Variants in NMNAT1 observed in about 807,000 individuals in gnomAD.
NMNAT1 encodes the protein nicotinamide nucleotide adenylyltransferase 1, also known as nicotinamide/nicotinic acid mononucleotide adenylyltransferase 1.
A neutral mutation model predicts 16.7 loss-of-function variants in NMNAT1; 11 were observed. The ratio of observed to expected loss-of-function variants is 0.66; its 90% CI spans 0.41 to 1.09. NMNAT1 has a LOEUF of 1.09. NMNAT1 is among the 50% of genes least tolerant of loss of function. NMNAT1 has a pLI of 0.00. For synonymous variants in NMNAT1, 110 were observed against 119.8 expected, an observed-to-expected ratio of 0.92 and a Z score of 0.53; for missense variants, 280 against 332.3, an observed-to-expected ratio of 0.84 and a Z score of 1.22.
chr1:9,960,005 G>A (rs952756042), intron 1 of NMNAT1, among the ~76,000 whole-genome samples: 2 of 152,184 alleles, frequency 1.3e-5, no homozygotes, highest in African/African-American at 4.8e-5. Flanking sequence ...CTGAGAGGTG[G>A]TGAGGTCAGC....
intron 1 of NMNAT1, among the ~76,000 whole-genome samples, chr1:9,950,148 T>C (rs1275461180): frequency 3.3e-5 from 5 of 152,168 alleles, no homozygotes; most frequent in Non-Finnish European, 5.9e-5. Flanking sequence ...TGGAGGGCAG[T>C]GACGCAATCT....
chr1:9,972,196 C>T lies in NMNAT1; in HGVS notation c.115+8C>T, dbSNP rs777466989. On this transcript the variant is annotated splice_region_variant and intron_variant, in intron 2 of 4. Transcript: ENST00000377205. ...ACTACATGAATGGAACAGGTAGGAGCAGTAACCAAAAGTGGCTTAAGACTA... is the reference window on the plus strand; with the variant it reads ...ACTACATGAATGGAACAGGTAGGAGTAGTAACCAAAAGTGGCTTAAGACTA... The T allele has an allele frequency of 6.6e-7, 1 of 1,524,830 alleles. No individual in the cohort carries two copies. The highest frequency in any genetic ancestry group is 1.7e-5 in the Admixed American group (1 of 59,060). The allele number at this position is 1,524,830 out of a possible 1,614,324, so 94.5% of individuals were successfully genotyped here.
intron 1 of NMNAT1, among the ~76,000 whole-genome samples, chr1:9,963,055 C>A (rs1227483119): frequency 1.3e-5 from 2 of 152,128 alleles, no homozygotes; most frequent in Non-Finnish European, 2.9e-5. Context: ...CAGAAACCTT[C>A]AAAGGTTCCC....
intron 3 of NMNAT1, among the ~76,000 whole-genome samples, chr1:9,980,273 C>T (rs1167410425): frequency 6.6e-6 from 1 of 151,794 alleles, no homozygotes; most frequent in African/African-American, 2.4e-5. Context: ...CAACAGTCAT[C>T]TTATGTTGAG....
intron 1 of NMNAT1, among the ~76,000 whole-genome samples, chr1:9,944,542 CAAG>C (rs1640921014): frequency 6.6e-6 from 1 of 151,910 alleles, no homozygotes; most frequent in South Asian, 2.1e-4. Flanking sequence ...TGTTAAAAAA[CAAG>C]AGCTGTGTTG....
the NMNAT1 span, among the ~76,000 whole-genome samples, chr1:9,990,653 C>T: frequency 6.6e-6 from 1 of 152,120 alleles, no homozygotes; most frequent in Non-Finnish European, 1.5e-5. Context: ...TGGAGTCCAC[C>T]ACAAGGTCCA....
In NMNAT1 at chr1:9,965,472, C is replaced by T. The variant is rs796664994; in HGVS notation, c.-56-6546C>T. The stretch of plus-strand genomic sequence containing the variant: ...AGGCTGGAGTGCAGTGGTGCAGTCT[C>T]GGCTCACTGCAACCCCTGCCTGCCA... On this transcript the variant is annotated intron_variant, in intron 1 of 4. Coordinates refer to ENST00000377205, the MANE Select transcript of NMNAT1 (RefSeq NM_022787.4). 2.0e-5 allele frequency among the ~76,000 whole-genome samples: 3 copies of T among 151,664 alleles called. No individual in the cohort carries two copies. In the South Asian group the frequency reaches 6.3e-4, roughly 32 times the overall value.
chr1:9,952,787 C>A (rs1326885739), intron 1 of NMNAT1, among the ~76,000 whole-genome samples: 1 of 152,058 alleles, frequency 6.6e-6, no homozygotes, highest in East Asian at 1.9e-4. Flanking sequence ...GATCTGCCCA[C>A]CTTGGCCTCC....
downstream of NMNAT1, chr1:9,985,545 C>T (rs1400037614): frequency 1.3e-5 from 2 of 152,168 alleles, no homozygotes; most frequent in Non-Finnish European, 2.9e-5. Context: ...TCAGTCCTCA[C>T]GGAAGGACTA....
At chr1:9,968,596 G>GAC (rs1641614118) in intron 1 of NMNAT1, among the ~76,000 whole-genome samples, 1 of 146,254 alleles carries the variant, frequency 6.8e-6, no homozygotes, top group East Asian at 2.0e-4. Flanking sequence ...GTGAAACCCC[G>GAC]TCTGTACTAA....
At chr1:9,944,119 T>G (rs537969444) in intron 1 of NMNAT1, among the ~76,000 whole-genome samples, 108 of 151,834 alleles carry the variant, frequency 7.1e-4, no homozygotes, top group African/African-American at 2.5e-3. Flanking sequence ...CTGGGCGTGG[T>G]GGTGGGCGCC....
chr1:9,975,328 C>T (rs1641781601), intron 2 of NMNAT1, among the ~76,000 whole-genome samples: 1 of 151,940 alleles, frequency 6.6e-6, no homozygotes, highest in Non-Finnish European at 1.5e-5. Flanking sequence ...TGGTAAAAAC[C>T]CCATCTCTAC....
At chr1:9,947,210 CAG>C (rs1640999368) in intron 1 of NMNAT1, 1 of 152,166 alleles carries the variant, frequency 6.6e-6, no homozygotes, top group African/African-American at 2.4e-5. Context: ...TTTTTGGAGA[CAG>C]GGTCTTGCTG....
chr1:9,962,835 A>G (rs936440302), intron 1 of NMNAT1, among the ~76,000 whole-genome samples: 1 of 151,716 alleles, frequency 6.6e-6, no homozygotes, highest in Non-Finnish European at 1.5e-5. Context: ...GTGCCTGCCA[A>G]CACACCCGGC....
intron 2 of NMNAT1, among the ~76,000 whole-genome samples, chr1:9,973,707 CAAA>C (rs1053350657): frequency 0.041 from 888 of 21,440 alleles, 3 homozygotes; most frequent in African/African-American, 0.13. Context: ...GACTCCATCT[CAAA>C]AAAAAAAAAA....
At chr1:9,957,383 C>T (rs996172812) in intron 1 of NMNAT1, among the ~76,000 whole-genome samples, 3 of 148,816 alleles carry the variant, frequency 2.0e-5, no homozygotes, top group South Asian at 2.1e-4. Flanking sequence ...TGCAGTGCCG[C>T]GATCTTGGCT....
At chr1:9,980,823 A>AT (rs1483889647) in intron 3 of NMNAT1, among the ~76,000 whole-genome samples, 3 of 150,738 alleles carry the variant, frequency 2.0e-5, no homozygotes, top group Non-Finnish European at 4.4e-5. Flanking sequence ...CACCCGGCTA[A>AT]TTTTTTGTAT....
At chr1:9,979,801 CAAA>C (rs1165379193) in intron 3 of NMNAT1, among the ~76,000 whole-genome samples, 3 of 90,586 alleles carry the variant, frequency 3.3e-5, no homozygotes, top group Admixed American at 1.3e-4. Flanking sequence ...GACTCCATCT[CAAA>C]AAAAAAAAAA....
At chr1:9,969,395 G>T (rs747513802) in intron 1 of NMNAT1, among the ~76,000 whole-genome samples, 2 of 152,076 alleles carry the variant, frequency 1.3e-5, no homozygotes, top group Admixed American at 6.6e-5. Context: ...GGAGGATGAA[G>T]TTGAGGCTAT....
Sources: gnomAD v4.1 joint callset for allele counts (sites outside exome capture counted in the v4.1 genomes callset) on GRCh38, gnomAD v4.1.1 for gene constraint, MANE v1.5 for transcripts, NCBI Gene and HGNC (gene_info 2026-07-23, HGNC 2026-07-21) for gene names.